Variants in LMOD1 observed in about 807,000 individuals in gnomAD.
LMOD1 encodes the protein leiomodin-1.
In LMOD1, 8 loss-of-function variants were observed where a neutral mutation model predicts 36.5. That is an observed-to-expected ratio of 0.22 (90% confidence interval 0.13 to 0.40). The LOEUF is 0.40. Among genes scored for constraint, LMOD1 ranks in the 10% least tolerant of loss-of-function variants. The pLI is 1.00. For synonymous variants in LMOD1, 284 were observed against 288.7 expected, an observed-to-expected ratio of 0.98 and a Z score of 0.17; for missense variants, 630 against 751.1, an observed-to-expected ratio of 0.84 and a Z score of 1.88.
intron 1 of LMOD1, among the ~76,000 whole-genome samples, chr1:201,913,155 C>CTTCA (rs1391647383): frequency 6.6e-6 from 1 of 152,184 alleles, no homozygotes; most frequent in Non-Finnish European, 1.5e-5. Context: ...TATTGTCCAT[C>CTTCA]TTCACCCTTT....
chr1:201,911,522 G>A (rs972114989), intron 1 of LMOD1, among the ~76,000 whole-genome samples: 12 of 152,216 alleles, frequency 7.9e-5, no homozygotes, highest in Non-Finnish European at 1.0e-4. Flanking sequence ...AAAATTAGCC[G>A]GGCGTGGTGG....
Position 201,946,175 on chromosome 1 carries a change from C to T in LMOD1, c.166G>A (p.Glu56Lys). The T allele has an allele frequency of 6.2e-7, 1 of 1,614,016 alleles. No homozygotes were observed. Among genetic ancestry groups the T allele is most frequent in the Non-Finnish European group, 8.5e-7 (1 of 1,179,882 alleles). The change falls in exon 1 of 3, where the codon GAG becomes AAG. Residue 56 changes from glutamate to lysine, a missense_variant. Coordinates refer to ENST00000367288, the MANE Select transcript of LMOD1 (RefSeq NM_012134.3). ...PVGLRQRNQT[E>K]KQSTGVYNRE... ...TTGTACACACCCGTGGACTGTTTCT[C>T]CGTCTGGTTTCTCTGCCGCAGCCCC...
chr1:201,900,998 C>G (rs1431571308), intron 1 of LMOD1, among the ~76,000 whole-genome samples: 1 of 152,162 alleles, frequency 6.6e-6, no homozygotes, highest in East Asian at 1.9e-4. Flanking sequence ...AAACAAATAC[C>G]TGCAAAGGTT....
At chr1:201,936,562 G>T (rs968345995) in intron 1 of LMOD1, among the ~76,000 whole-genome samples, 1 of 151,988 alleles carries the variant, frequency 6.6e-6, no homozygotes, top group Non-Finnish European at 1.5e-5. Context: ...CCACCCCAGG[G>T]CCTGTGTCTT....
At position 201,946,159 on chromosome 1, in the gene LMOD1, C is replaced by G. The variant is rs1024471265; in HGVS notation, c.182G>C (p.Gly61Ala). 1 of 1,614,018 alleles carries G rather than the reference C, an allele frequency of 6.2e-7. No homozygotes were observed. The highest frequency in any genetic ancestry group is 1.7e-5 in the Admixed American group (1 of 60,028). Reference protein sequence around the residue: ...QRNQTEKQSTGVYNREAMLNF... With the variant: ...QRNQTEKQSTAVYNREAMLNF... ...GAGCATGGCCTCCCGGTTGTACACACCCGTGGACTGTTTCTCCGTCTGGTT... is the reference window on the plus strand; with the variant it reads ...GAGCATGGCCTCCCGGTTGTACACAGCCGTGGACTGTTTCTCCGTCTGGTT... Residue 61 changes from glycine (G) to alanine (A), a missense_variant, in exon 1 of 3, where the codon GGT becomes GCT. By Grantham distance (60) the Gly-to-Ala change is moderately conservative. Around this residue, in one of 3 missense-constraint regions of LMOD1, gnomAD observed 405 missense variants for 400.6 expected, o/e 1.01. Coordinates refer to ENST00000367288, the MANE Select transcript of LMOD1 (RefSeq NM_012134.3).
chr1:201,933,016 G>T (rs1681952310), intron 1 of LMOD1, among the ~76,000 whole-genome samples: 1 of 152,180 alleles, frequency 6.6e-6, no homozygotes, highest in South Asian at 2.1e-4. Flanking sequence ...AGCATTGTTT[G>T]TAATAGTCCC....
Position 201,899,370 on chromosome 1 carries a change from T to C in LMOD1, c.1643A>G (p.Glu548Gly). 3 of 1,348,384 alleles carry C rather than the reference T, an allele frequency of 2.2e-6. No homozygotes were observed. Among genetic ancestry groups the C allele is most frequent in the Non-Finnish European group, 2.1e-6 (2 of 949,170 alleles). The allele number at this position is 1,348,384 out of a possible 1,614,324, so 83.5% of individuals were successfully genotyped here. ...PPPLAPPLIM[E>G]NLKNSLSPAT... The stretch of plus-strand genomic sequence containing the variant: ...TGGTGAGAGTGAATTCTTCAGGTTC[T>C]CCATGATAAGGGGTGGAGCCAAGGG... Residue 548 changes from glutamate to glycine, a missense_variant, in exon 2 of 3, where the codon GAG becomes GGG. By Grantham distance (98) the Glu-to-Gly change is moderately conservative. This residue lies in a region of LMOD1 where 144 missense variants were observed against 169.8 expected (regional missense o/e 0.85). Transcript: ENST00000367288. This position sits in a 1 kb window ranked among gnomAD's most constrained non-coding sequence, Gnocchi z 6.3.
chr1:201,928,484 T>C (rs1193631113), intron 1 of LMOD1, among the ~76,000 whole-genome samples: 3 of 152,264 alleles, frequency 2.0e-5, no homozygotes, highest in South Asian at 2.1e-4. Flanking sequence ...GCACTGGGCC[T>C]CCCAAAGGGG....
chr1:201,923,463 G>A (rs1681739737), intron 1 of LMOD1, among the ~76,000 whole-genome samples: 1 of 152,136 alleles, frequency 6.6e-6, no homozygotes, highest in African/African-American at 2.4e-5. Context: ...GCTCAAGTCT[G>A]TAATCCCAGC....
In LMOD1 at chr1:201,900,119, G is replaced by A; in HGVS notation, c.894C>T (p.Gly298=). ...TKTPEKQTPS[G]PTKPSEGPAK... Reference sequence around the variant, plus strand: ...CCGGTCCTTCAGAGGGCTTGGTGGGGCCACTGGGCGTCTGTTTCTCGGGTG... The same window carrying A: ...CCGGTCCTTCAGAGGGCTTGGTGGGACCACTGGGCGTCTGTTTCTCGGGTG... Residue 298 remains glycine (G), a synonymous_variant, in exon 2 of 3, where the codon GGC becomes GGT. Transcript: ENST00000367288. 1 of 1,613,904 alleles carries A rather than the reference G, an allele frequency of 6.2e-7. No homozygotes were observed. The highest frequency in any genetic ancestry group is 8.5e-7 in the Non-Finnish European group (1 of 1,179,856).
chr1:201,946,540 C>T lies in LMOD1; in HGVS notation c.-200G>A. 1.7e-6 allele frequency: 1 copy of T among 591,622 alleles called. No individual in the cohort carries two copies. Among genetic ancestry groups the T allele is most frequent in the East Asian group, 2.8e-5 (1 of 35,564 alleles). 36.6% of individuals were successfully genotyped at this position (591,622 alleles called of 1,614,324 possible). On this transcript the variant is annotated 5_prime_UTR_variant, in exon 1 of 3. Coordinates refer to ENST00000367288, the MANE Select transcript of LMOD1 (RefSeq NM_012134.3). ...GCAGCAGCCTCCCTGAAGCCCAGGG[C>T]TAGTGGACCCCGGCTGGTCTAATCA...
chr1:201,901,530 G>GTA lies in LMOD1; in HGVS notation c.262-781_262-780dup, dbSNP rs771599594. Among the ~76,000 whole-genome samples, 114 of 50,020 alleles carry GTA rather than the reference G, an allele frequency of 2.3e-3. 3 individuals are homozygous for GTA. Among genetic ancestry groups the GTA allele is most frequent in the African/African-American group, 8.4e-3 (76 of 9,010 alleles). 32.8% of individuals were successfully genotyped at this position (50,020 alleles called of 152,430 possible). A position where few individuals can be genotyped will look rare whatever the true frequency, so the allele number is the denominator to read the frequency against. On this transcript the variant is annotated intron_variant, in intron 1 of 2. Transcript: ENST00000367288. ...AAAAAAAATATATATATATATATATGTATATATATATATATATATATACAT... is the reference window on the plus strand; with the variant it reads ...AAAAAAAATATATATATATATATATGTATATATATATATATATATATATACAT...
intron 1 of LMOD1, among the ~76,000 whole-genome samples, chr1:201,927,346 T>A (rs1407078431): frequency 6.6e-6 from 1 of 152,154 alleles, no homozygotes; most frequent in Non-Finnish European, 1.5e-5. Flanking sequence ...GGTGGGAGGA[T>A]CACGAGGTCA....
chr1:201,921,889 G>A lies in LMOD1; in HGVS notation c.262-21138C>T, dbSNP rs1301061318. Among the ~76,000 whole-genome samples the A allele has an allele frequency of 6.6e-5, 10 of 151,906 alleles. No homozygotes were observed. The East Asian group carries it at 1.7e-3, about 27-fold the overall frequency. ...GCAGGAGAATGGCGTGAACCCGGGA[G>A]GCAGAGCTTGCAGTGAGCTGAGATC... On this transcript the variant is annotated intron_variant, in intron 1 of 2. Coordinates refer to ENST00000367288, the MANE Select transcript of LMOD1 (RefSeq NM_012134.3).
intron 1 of LMOD1, among the ~76,000 whole-genome samples, chr1:201,941,581 C>T (rs1181914993): frequency 6.6e-6 from 1 of 152,198 alleles, no homozygotes; most frequent in Non-Finnish European, 1.5e-5. Context: ...CCTGATAGGT[C>T]CCAACCCTCT....
intron 1 of LMOD1, among the ~76,000 whole-genome samples, chr1:201,940,961 G>A (rs952405720): frequency 6.6e-6 from 1 of 151,818 alleles, no homozygotes; most frequent in African/African-American, 2.4e-5. Context: ...TGGTCAGGCT[G>A]GTCTTGAACT....
intron 1 of LMOD1, among the ~76,000 whole-genome samples, chr1:201,901,556 A>G (rs1171513283): frequency 0.031 from 1,099 of 35,314 alleles, 64 homozygotes; most frequent in South Asian, 0.08. Context: ...ATATATACAT[A>G]TATATATGTA....
At chr1:201,944,734 G>C (rs955128148) in intron 1 of LMOD1, among the ~76,000 whole-genome samples, 5 of 2,786 alleles carry the variant, frequency 1.8e-3, no homozygotes, top group African/African-American at 3.1e-3. Flanking sequence ...TGGTGGGGCG[G>C]GGGGGGGCGG....
intron 1 of LMOD1, among the ~76,000 whole-genome samples, chr1:201,937,437 A>G (rs527632073): frequency 2.6e-5 from 4 of 151,824 alleles, no homozygotes; most frequent in African/African-American, 9.7e-5. Flanking sequence ...ACAGAGTAAG[A>G]TCCTGTCTCA....
Sources: gnomAD v4.1 joint callset for allele counts (sites outside exome capture counted in the v4.1 genomes callset) on GRCh38, gnomAD v4.1.1 for gene constraint, gnomAD v4.1.1 regional missense constraint, Gnocchi (gnomAD v3.1) non-coding constraint, MANE v1.5 for transcripts, NCBI Gene and HGNC (gene_info 2026-07-23, HGNC 2026-07-21) for gene names.